KAT8: variants seen among roughly 807,000 people sequenced by gnomAD.
KAT8 encodes histone acetyltransferase KAT8.
A neutral mutation model predicts 62.9 loss-of-function variants in KAT8; 40 were observed. The ratio of observed to expected loss-of-function variants is 0.64; its 90% CI spans 0.49 to 0.83. The LOEUF is 0.83. KAT8 is among the 40% of genes least tolerant of loss of function. The pLI is 0.00. For missense variants in KAT8, 387 were observed against 614.8 expected (o/e 0.63, Z 3.92); for synonymous variants, 278 against 254.5 (o/e 1.09, Z -0.88).
chr16:31,130,659 G>A (rs1376911911), intron 9 of KAT8, 53 bp downstream of exon 9: 5 of 1,610,688 alleles, frequency 3.1e-6, no homozygotes, highest in South Asian at 1.1e-5. Flanking sequence ...GATGGGCCAC[G>A]ATCCTGCTTC....
chr16:31,127,030 C>T lies in KAT8; in HGVS notation c.463-5C>T. ...ACCTCTGCCCACTTTTCTTTCCTGG[C>T]CCAGACTTATGCAGAGATGGACCCC... On this transcript the variant is annotated splice_region_variant and splice_polypyrimidine_tract_variant and intron_variant, in intron 3 of 10. Coordinates refer to ENST00000219797, the MANE Select transcript of KAT8 (RefSeq NM_032188.3). The T allele has an allele frequency of 6.2e-7, 1 of 1,614,214 alleles. No individual in the cohort carries two copies. The highest frequency in any genetic ancestry group is 8.5e-7 in the Non-Finnish European group (1 of 1,180,044).
intron 3 of KAT8, chr16:31,125,740 C>T (rs1382091513): frequency 6.6e-6 from 1 of 152,178 alleles, no homozygotes. Flanking sequence ...TTCCTCCCTT[C>T]TCAGCTACAG....
At position 31,131,358 on chromosome 16, in the gene KAT8, T is replaced by A. The variant is rs554074893; in HGVS notation, c.*99T>A. 667 of 1,424,110 alleles carry A rather than the reference T, an allele frequency of 4.7e-4. No individual in the cohort carries two copies. In the African/African-American group the frequency reaches 8.8e-3, roughly 19 times the overall value. 88.2% of individuals were successfully genotyped at this position (1,424,110 alleles called of 1,614,324 possible). ...ATTTTTTTAATAAAGTCAGTTCTGG[T>A]GGCCCTGGACTTTGGAGGGGAAGGG... On this transcript the variant is annotated 3_prime_UTR_variant, in exon 11 of 11. Transcript: ENST00000219797.
rs753851684 is a variant in KAT8, at chr16:31,128,094, C to G, written c.726C>G (p.Arg242=). The G allele has an allele frequency of 6.2e-7, 1 of 1,614,044 alleles. No homozygotes were observed. The highest frequency in any genetic ancestry group is 8.5e-7 in the Non-Finnish European group (1 of 1,179,980). Residue 242 remains arginine, a synonymous_variant, in exon 6 of 11, where the codon CGC becomes CGG. Coordinates refer to ENST00000219797, the MANE Select transcript of KAT8 (RefSeq NM_032188.3). ...AGCCCCCCGGGAAAGAGATCTACCG[C>G]AAGAGCAACATCTCCGTGTACGAAG... is the stretch of plus-strand genomic sequence containing the variant. The part of the protein sequence containing the change: ...WRQPPGKEIY[R]KSNISVYEVD...
chr16:31,122,680 C>G (rs1233901450), intron 3 of KAT8: 1 of 151,030 alleles, frequency 6.6e-6, no homozygotes, highest in African/African-American at 2.4e-5. Flanking sequence ...AAGATCGAGA[C>G]CATCCCGGCT....
chr16:31,128,039 T>C lies in KAT8; in HGVS notation c.682-11T>C, dbSNP rs2057546141. On this transcript the variant is annotated splice_polypyrimidine_tract_variant and intron_variant, in intron 5 of 10. Transcript: ENST00000219797. ...TATGGGCAGCGAACCTGTTCTCTTG[T>C]CCCCGACCAGGGTCAGTGCCAGTGG... The C allele has an allele frequency of 6.2e-7, 1 of 1,611,906 alleles. No individual in the cohort carries two copies. The highest frequency in any genetic ancestry group is 8.5e-7 in the Non-Finnish European group (1 of 1,178,056).
rs534601025 is a variant in KAT8 at position 31,127,473 on chromosome 16, G to C, written c.681+120G>C. The stretch of plus-strand genomic sequence containing the variant: ...GGAGGAGACAGGCCCAAAGGAGCGA[G>C]TACAGGGAAGAGCTGCTGGGGGTCA... On this transcript the variant is annotated intron_variant, in intron 5 of 10. Coordinates refer to ENST00000219797, the MANE Select transcript of KAT8 (RefSeq NM_032188.3). 4.4e-5 allele frequency: 44 copies of C among 1,010,036 alleles called. 1 individual carries two copies. In the Admixed American group the frequency reaches 8.8e-4, roughly 20 times the overall value. The allele number at this position is 1,010,036 out of a possible 1,614,324, so 62.6% of individuals were successfully genotyped here.
rs2057460433 is a variant in KAT8, at chr16:31,117,871, C to A, written c.190C>A (p.Arg64=). 3 of 1,385,586 alleles carry A rather than the reference C, an allele frequency of 2.2e-6. No homozygotes were observed. The highest frequency in any genetic ancestry group is 3.0e-5 in the African/African-American group (2 of 65,792). The allele number at this position is 1,385,586 out of a possible 1,614,324, so 85.8% of individuals were successfully genotyped here. ...TVEIGETYLC[R]RPDSTWHSAE... is the part of the protein sequence containing the mutation. ...GGAGATCGGAGAAACGTACCTGTGCCGGCGACCGGATAGCACCTGGCGTGA... is the reference window on the plus strand; with the variant it reads ...GGAGATCGGAGAAACGTACCTGTGCAGGCGACCGGATAGCACCTGGCGTGA... The change falls in exon 1 of 11, where the codon CGG becomes AGG. Residue 64 remains arginine, a synonymous_variant. Coordinates refer to ENST00000219797, the MANE Select transcript of KAT8 (RefSeq NM_032188.3).
Position 31,117,666 on chromosome 16 carries a change from C to T in KAT8, c.-16C>T, listed in dbSNP as rs142359178. 2.4e-4 allele frequency: 333 copies of T among 1,384,176 alleles called. 1 individual carries two copies. In the African/African-American group the frequency reaches 4.4e-3, roughly 18 times the overall value. The allele number at this position is 1,384,176 out of a possible 1,614,324, so 85.7% of individuals were successfully genotyped here. ...ACTGCGTGGCGTCCGATTCTGGCGTCACTTCCCTTCCCGCGATGGCGGCAC... is the reference window on the plus strand; with the variant it reads ...ACTGCGTGGCGTCCGATTCTGGCGTTACTTCCCTTCCCGCGATGGCGGCAC... On this transcript the variant is annotated 5_prime_UTR_variant, in exon 1 of 11. Transcript: ENST00000219797.
chr16:31,126,943 T>G, intron 3 of KAT8, 92 bp from the exon 4 acceptor site: 1 of 1,355,656 alleles, frequency 7.4e-7, no homozygotes, highest in South Asian at 1.2e-5. Flanking sequence ...TGAGGTCTGG[T>G]AGACGGCAGG....
At chr16:31,120,555 T>C in intron 3 of KAT8, 41 bp downstream of exon 3, 2 of 1,571,182 alleles carry the variant, frequency 1.3e-6, no homozygotes, top group Non-Finnish European at 8.7e-7. Flanking sequence ...GAGGCCCAGC[T>C]TCTCTGCCAG....
intron 3 of KAT8, chr16:31,120,869 A>G (rs552644287): frequency 2.3e-4 from 51 of 226,446 alleles, no homozygotes; most frequent in Non-Finnish European, 4.1e-4. Flanking sequence ...ATAGCCAAGC[A>G]CCCTGCCAAG....
At position 31,120,324 on chromosome 16, in the gene KAT8, G is replaced by A; in HGVS notation, c.287-15G>A. The stretch of plus-strand genomic sequence containing the variant: ...TTGGCTGCCCTGGCAGCACTCTTAT[G>A]GCCCATACTTACAGTTAACCGGCGG... On this transcript the variant is annotated splice_polypyrimidine_tract_variant and intron_variant, in intron 2 of 10. Coordinates refer to ENST00000219797, the MANE Select transcript of KAT8 (RefSeq NM_032188.3). The A allele has an allele frequency of 6.2e-7, 1 of 1,614,098 alleles. No individual in the cohort carries two copies. Among genetic ancestry groups the A allele is most frequent in the African/African-American group, 1.3e-5 (1 of 75,054 alleles).
At chr16:31,126,969 C>T (rs2057535871) in intron 3 of KAT8, 66 bp from the exon 4 acceptor site, 1 of 1,574,592 alleles carries the variant, frequency 6.4e-7, no homozygotes, top group African/African-American at 1.3e-5. Context: ...CTTGTGGGTC[C>T]TGACGGGAGG....
At chr16:31,126,871 C>T in intron 3 of KAT8, 164 bp from the exon 4 acceptor site, 1 of 701,628 alleles carries the variant, frequency 1.4e-6, no homozygotes, top group Non-Finnish European at 2.4e-6. Flanking sequence ...TCTGGACCAG[C>T]CAGCTTCAGA....
intron 3 of KAT8, among the ~76,000 whole-genome samples, chr16:31,123,039 C>T (rs191208175): frequency 4.2e-4 from 64 of 152,026 alleles, no homozygotes; most frequent in African/African-American, 1.5e-3. Context: ...AAAAATTAGC[C>T]GGGCGTGGTG....
intron 1 of KAT8, 79 bp downstream of exon 1, chr16:31,117,971 A>T (rs911215839): frequency 9.6e-7 from 1 of 1,039,590 alleles, no homozygotes; most frequent in Non-Finnish European, 1.3e-6. Flanking sequence ...ACAGGCTGTC[A>T]GTGAGGCCAA....
At chr16:31,120,593 C>G in intron 3 of KAT8, 79 bp downstream of exon 3, 1 of 1,344,754 alleles carries the variant, frequency 7.4e-7, no homozygotes, top group Non-Finnish European at 1.0e-6. Flanking sequence ...GGCCCCAGTG[C>G]CAAAACCATA....
In KAT8 at chr16:31,117,795, G is replaced by A. The variant is rs1021272513; in HGVS notation, c.114G>A (p.Pro38=). 2.0e-5 allele frequency: 29 copies of A among 1,421,496 alleles called. No homozygotes were observed. Among genetic ancestry groups the A allele is most frequent in the Non-Finnish European group, 2.7e-5 (29 of 1,077,612 alleles). 88.1% of individuals were successfully genotyped at this position (1,421,496 alleles called of 1,614,324 possible). A position where few individuals can be genotyped will look rare whatever the true frequency, so the allele number is the denominator to read the frequency against. ...NAAAEGTAPS[P]GRVSPPTPAR... ...CCGCTGAGGGGACCGCCCCATCCCCGGGCCGCGTCTCTCCGCCGACCCCGG... is the reference window on the plus strand; with the variant it reads ...CCGCTGAGGGGACCGCCCCATCCCCAGGCCGCGTCTCTCCGCCGACCCCGG... Residue 38 remains proline (P), a synonymous_variant, in exon 1 of 11, where the codon CCG becomes CCA. Transcript: ENST00000219797.
Sources: gnomAD v4.1 joint callset for allele counts (sites outside exome capture counted in the v4.1 genomes callset) on GRCh38, gnomAD v4.1.1 for gene constraint, MANE v1.5 for transcripts, NCBI Gene and HGNC (gene_info 2026-07-23, HGNC 2026-07-21) for gene names.